The following VAV3 variants were observed in gnomAD, a reference collection of about 807,000 sequenced individuals.
VAV3 encodes vav guanine nucleotide exchange factor 3.
A neutral mutation model predicts 131.2 loss-of-function variants in VAV3; 94 were observed. The ratio of observed to expected loss-of-function variants is 0.72; its 90% CI spans 0.61 to 0.85. The LOEUF (loss-of-function observed/expected upper bound fraction) is 0.85, where lower values mean the gene tolerates loss of function less well. Among genes scored for constraint, VAV3 ranks in the 40% least tolerant of loss-of-function variants. VAV3 has a pLI of 0.00. For missense variants in VAV3, 939 were observed against 1,002.7 expected (o/e 0.94, Z 0.86); for synonymous variants, 349 against 342.0 (o/e 1.02, Z -0.22).
intron 3 of VAV3, 97 bp downstream of exon 3, chr1:107,779,337 T>C (rs1218554515): frequency 2.8e-6 from 3 of 1,087,428 alleles, no homozygotes; most frequent in Non-Finnish European, 2.6e-6. Flanking sequence ...TGAGACATAG[T>C]ACCTGTGTGC....
chr1:107,939,421 C>T (rs1007453394), intron 1 of VAV3, among the ~76,000 whole-genome samples: 3 of 152,176 alleles, frequency 2.0e-5, no homozygotes, highest in Non-Finnish European at 2.9e-5. Flanking sequence ...CCCAGGCTAA[C>T]AATATGCAGT....
chr1:107,637,490 A>C (rs2101461815), intron 20 of VAV3, among the ~76,000 whole-genome samples: 1 of 152,072 alleles, frequency 6.6e-6, no homozygotes, highest in South Asian at 2.1e-4. Flanking sequence ...GGGCATGGTG[A>C]CGTTCACCTG....
intron 1 of VAV3, among the ~76,000 whole-genome samples, chr1:107,914,609 T>C (rs2101129009): frequency 6.6e-6 from 1 of 152,362 alleles, no homozygotes; most frequent in African/African-American, 2.4e-5. Flanking sequence ...TAAAAGACTG[T>C]GCCTCCTCCA....
intron 24 of VAV3, among the ~76,000 whole-genome samples, chr1:107,599,385 A>G (rs1651660418): frequency 6.6e-6 from 1 of 152,210 alleles, no homozygotes; most frequent in Admixed American, 6.5e-5. Context: ...AGAAGACTCT[A>G]AACAAAAGAA....
chr1:107,747,116 G>T (rs965830629), intron 15 of VAV3, among the ~76,000 whole-genome samples: 1 of 152,068 alleles, frequency 6.6e-6, no homozygotes. Flanking sequence ...CTGACCTCAG[G>T]TGAATTGCCC....
chr1:107,705,873 A>AAG (rs1660420006), intron 15 of VAV3, among the ~76,000 whole-genome samples: 1 of 152,226 alleles, frequency 6.6e-6, no homozygotes, highest in African/African-American at 2.4e-5. Context: ...TGGGAACTCT[A>AAG]ACTCAGGTCT....
rs184296127 is a variant in VAV3 at position 107,657,771 on chromosome 1, T to G, written c.1778-15016A>C. Among the ~76,000 whole-genome samples, 89 of 152,328 alleles carry G rather than the reference T, an allele frequency of 5.8e-4. 1 individual carries two copies. The highest frequency in any genetic ancestry group is 5.8e-3 in the Admixed American group (89 of 15,292). On this transcript the variant is annotated intron_variant, in intron 19 of 26. Coordinates refer to ENST00000370056, the MANE Select transcript of VAV3 (RefSeq NM_006113.5). The stretch of plus-strand genomic sequence containing the variant: ...ATTAAAGTTCTATTAATTATAAACA[T>G]AAAACAGAACTGGATATTAAAACAG...
intron 1 of VAV3, among the ~76,000 whole-genome samples, chr1:107,910,847 G>A (rs1054663297): frequency 5.9e-5 from 9 of 152,082 alleles, no homozygotes; most frequent in African/African-American, 2.2e-4. Flanking sequence ...GGGCATAATG[G>A]CACATGCCTG....
At chr1:107,866,382 C>T (rs1462331513) in intron 2 of VAV3, among the ~76,000 whole-genome samples, 1 of 151,710 alleles carries the variant, frequency 6.6e-6, no homozygotes, top group Non-Finnish European at 1.5e-5. Flanking sequence ...GTAAAATGAT[C>T]AGATCTACAT....
At chr1:107,634,128 G>A (rs1205784446) in intron 20 of VAV3, among the ~76,000 whole-genome samples, 1 of 152,006 alleles carries the variant, frequency 6.6e-6, no homozygotes, top group Non-Finnish European at 1.5e-5. Flanking sequence ...CTACTTTAAA[G>A]CTCATATGGA....
At chr1:107,914,020 C>A (rs1672496613) in intron 1 of VAV3, among the ~76,000 whole-genome samples, 1 of 152,164 alleles carries the variant, frequency 6.6e-6, no homozygotes, top group African/African-American at 2.4e-5. Flanking sequence ...GTCTCAAACT[C>A]CTGACCTCAG....
chr1:107,901,933 C>G (rs1281458563), intron 1 of VAV3, among the ~76,000 whole-genome samples: 4 of 151,912 alleles, frequency 2.6e-5, no homozygotes, highest in Non-Finnish European at 5.9e-5. Context: ...ATCCCAGCTA[C>G]TCGGGAGGCT....
chr1:107,749,480 G>T lies in VAV3; in HGVS notation c.1374C>A (p.Thr458=). The part of the protein sequence containing the change: ...QQYKIANNPT[T]DKENKKWSYG... ...AAGTCACCTTTTTGTTTTCTTTATC[G>T]GTTGTAGGATTATTGGCTATCTTGT... The change falls in exon 14 of 27, where the codon ACC becomes ACA. Residue 458 remains threonine, a synonymous_variant. Coordinates refer to ENST00000370056, the MANE Select transcript of VAV3 (RefSeq NM_006113.5). The T allele has an allele frequency of 6.3e-7, 1 of 1,591,988 alleles. No homozygotes were observed. The highest frequency in any genetic ancestry group is 1.2e-5 in the South Asian group (1 of 85,728).
At chr1:107,853,237 T>C (rs1448680630) in intron 2 of VAV3, among the ~76,000 whole-genome samples, 1 of 152,174 alleles carries the variant, frequency 6.6e-6, no homozygotes, top group Non-Finnish European at 1.5e-5. Flanking sequence ...CTACCACTTA[T>C]TAGTCATGTG....
intron 20 of VAV3, among the ~76,000 whole-genome samples, chr1:107,636,771 C>A (rs1303984174): frequency 1.3e-5 from 2 of 151,952 alleles, no homozygotes; most frequent in African/African-American, 4.8e-5. Context: ...AGGCAAGGAC[C>A]ATCTGTATTT....
At chr1:107,772,310 A>G (rs1332344255) in intron 5 of VAV3, among the ~76,000 whole-genome samples, 2 of 152,228 alleles carry the variant, frequency 1.3e-5, no homozygotes, top group African/African-American at 4.8e-5. Context: ...GGTACCTCAT[A>G]TTAACACTTA....
chr1:107,715,908 C>T (rs1296583483), intron 15 of VAV3, among the ~76,000 whole-genome samples: 4 of 152,106 alleles, frequency 2.6e-5, no homozygotes, highest in African/African-American at 9.7e-5. Flanking sequence ...CAAATTATGT[C>T]TGATAATATA....
intron 1 of VAV3, among the ~76,000 whole-genome samples, chr1:107,943,739 TCAAAA>T (rs556734962): frequency 2.3e-4 from 35 of 152,334 alleles, no homozygotes; most frequent in African/African-American, 6.5e-4. Flanking sequence ...AGACTCCGTC[TCAAAA>T]CAAAACAAAA....
intron 2 of VAV3, among the ~76,000 whole-genome samples, chr1:107,797,696 G>A (rs1342948104): frequency 6.6e-6 from 1 of 152,202 alleles, no homozygotes; most frequent in Non-Finnish European, 1.5e-5. Context: ...ATCATGTTAT[G>A]CCTCAGTAAC....
Sources: allele counts gnomAD v4.1 joint callset (sites outside exome capture counted in the v4.1 genomes callset), GRCh38; gene constraint gnomAD v4.1.1; transcripts MANE v1.5; gene names NCBI Gene and HGNC (gene_info 2026-07-23, HGNC 2026-07-21).